Variants in DPP9 observed in about 807,000 individuals in gnomAD.
The protein encoded by DPP9 is dipeptidyl peptidase 9.
A neutral mutation model predicts 110.7 loss-of-function variants in DPP9; 50 were observed. That is an observed-to-expected ratio of 0.45 (90% CI 0.36 to 0.57). The LOEUF is 0.57. Ranked by LOEUF, DPP9 falls within the 20% of genes least tolerant of loss-of-function variation. The pLI is 0.00. For synonymous variants in DPP9, 561 were observed against 514.4 expected (o/e 1.09, Z -1.23); for missense variants, 1,022 against 1,217.9 (o/e 0.84, Z 2.39).
At chr19:4,719,085 T>G (rs1016488219) in intron 3 of DPP9, 23 of 152,032 alleles carry the variant, frequency 1.5e-4, no homozygotes, top group African/African-American at 5.6e-4. Context: ...ATCCCAGCAC[T>G]TTGGGAGGCC....
chr19:4,702,141 T>C lies in DPP9; in HGVS notation c.898A>G (p.Lys300Glu), dbSNP rs780119235. The change falls in exon 9 of 22, where the codon AAG becomes GAG. Residue 300 changes from lysine to glutamate, a missense_variant. Physicochemically the swap from Lys to Glu is moderately conservative, Grantham distance 56. Coordinates refer to ENST00000262960, the MANE Select transcript of DPP9 (RefSeq NM_139159.5). ...TASWEGSEGL[K>E]TLRILYEEVD... ...TCCTCATACAGGATTCGCAGCGTCT[T>C]GAGGCCCTCTGAACCTTGGGTGGGG... The C allele has an allele frequency of 1.1e-5, 17 of 1,612,728 alleles. No homozygotes were observed. The highest frequency in any genetic ancestry group is 2.2e-5 in the East Asian group (1 of 44,882).
intron 18 of DPP9, 96 bp from the exon 19 acceptor site, chr19:4,683,725 T>A (rs1377415219): frequency 1.2e-6 from 2 of 1,610,954 alleles, no homozygotes; most frequent in Non-Finnish European, 1.7e-6. Context: ...TCTCTCCCTC[T>A]TGGATGAAAA....
chr19:4,681,675 C>T (rs1286601071), intron 20 of DPP9, among the ~76,000 whole-genome samples: 10 of 152,056 alleles, frequency 6.6e-5, no homozygotes, highest in African/African-American at 2.4e-4. Context: ...AGCGATTCTC[C>T]TGCCTCAGCC....
At chr19:4,715,053 G>C (rs1293297475) in intron 3 of DPP9, among the ~76,000 whole-genome samples, 1 of 98,666 alleles carries the variant, frequency 1.0e-5, no homozygotes, top group African/African-American at 3.9e-5. Context: ...TTTGGAGACA[G>C]AGTCTCCAAA....
chr19:4,691,857 T>C (rs1472421331), intron 13 of DPP9, among the ~76,000 whole-genome samples: 1 of 151,504 alleles, frequency 6.6e-6, no homozygotes. Flanking sequence ...TTTGTATTTT[T>C]AGTAGAGACG....
Position 4,704,082 on chromosome 19 carries a change from G to C in DPP9, c.601-28C>G. ...GAGGACAGAGACGCCCAGCTCAGGG[G>C]GAGGGGCCCTCCACGCCACCCCCGC... On this transcript the variant is annotated intron_variant, in intron 6 of 21. Transcript: ENST00000262960. This position sits in a 1 kb window ranked among gnomAD's most constrained non-coding sequence, Gnocchi z 6.0. 1.2e-6 allele frequency: 2 copies of C among 1,613,666 alleles called. No individual in the cohort carries two copies. Among genetic ancestry groups the C allele is most frequent in the Non-Finnish European group, 1.7e-6 (2 of 1,179,656 alleles).
rs2091567680 is a variant in DPP9, at chr19:4,694,048, C to A, written c.1516+613G>T. ...CCTCACCCTCAAGCCTCTCGCCCGA[C>A]TGCATTTCCTTCCACCACGCACATC... On this transcript the variant is annotated intron_variant, in intron 13 of 21. Transcript: ENST00000262960. The surrounding 1 kb of genome is among the most constrained non-coding windows in gnomAD (Gnocchi z 4.0). Among the ~76,000 whole-genome samples, 1 of 151,234 alleles carries A rather than the reference C, an allele frequency of 6.6e-6. No individual in the cohort carries two copies. The highest frequency in any genetic ancestry group is 1.5e-5 in the Non-Finnish European group (1 of 67,404).
At chr19:4,702,431 CT>C (rs1345944983) in intron 8 of DPP9, among the ~76,000 whole-genome samples, 171 bp downstream of exon 8, 1 of 152,136 alleles carries the variant, frequency 6.6e-6, no homozygotes. Flanking sequence ...ACTGTGTCCC[CT>C]CTTAGGGCAA....
intron 14 of DPP9, 75 bp downstream of exon 14, chr19:4,690,803 G>T: frequency 8.8e-7 from 1 of 1,133,834 alleles, no homozygotes; most frequent in Non-Finnish European, 1.3e-6. Flanking sequence ...GTATGCGCGT[G>T]CGTGTGTGTG....
chr19:4,720,064 C>G (rs892099641), intron 2 of DPP9, 123 bp from the exon 3 acceptor site: 5 of 801,368 alleles, frequency 6.2e-6, no homozygotes, highest in Non-Finnish European at 8.3e-6. Flanking sequence ...CGGGGAGCAC[C>G]CTGAAGCCAA....
At position 4,704,702 on chromosome 19, in the gene DPP9, A is replaced by G. The variant is rs2092484981; in HGVS notation, c.427-398T>C. 6.6e-6 allele frequency among the ~76,000 whole-genome samples: 1 copy of G among 151,948 alleles called. No homozygotes were observed. Among genetic ancestry groups the G allele is most frequent in the Non-Finnish European group, 1.5e-5 (1 of 67,962 alleles). On this transcript the variant is annotated intron_variant, in intron 5 of 21. Transcript: ENST00000262960. The surrounding 1 kb of genome is among the most constrained non-coding windows in gnomAD (Gnocchi z 6.0). ...ATTCTTACAGACTCCCCACCCTCCT[A>G]CCCTATTCACAATCCCTTCCCATCA...
At chr19:4,692,827 C>T (rs1432209670) in intron 13 of DPP9, among the ~76,000 whole-genome samples, 1 of 152,142 alleles carries the variant, frequency 6.6e-6, no homozygotes, top group South Asian at 2.1e-4. Flanking sequence ...ACCAATGAGC[C>T]GAAGACAGCT....
In DPP9 at chr19:4,697,629, T is replaced by C. The variant is rs375413213; in HGVS notation, c.1097A>G (p.Glu366Gly). 1.5e-5 allele frequency: 25 copies of C among 1,613,764 alleles called. No homozygotes were observed. Among genetic ancestry groups the C allele is most frequent in the Non-Finnish European group, 2.0e-5 (24 of 1,179,862 alleles). Reference protein sequence around the residue: ...QGKIVSTQEKELVQPFSSLFP... With the variant: ...QGKIVSTQEKGLVQPFSSLFP... ...CAGCGAGCTGAAGGGCTGCACCAGC[T>C]CCTTCTCCTGGGTCGAGACGATCTG... The change falls in exon 11 of 22, where the codon GAG (glutamate) becomes GGG (glycine). Residue 366 changes from glutamate (E) to glycine (G), a missense_variant. By Grantham distance (98) the Glu-to-Gly change is moderately conservative (BLOSUM62 -2). Coordinates refer to ENST00000262960, the MANE Select transcript of DPP9 (RefSeq NM_139159.5).
At chr19:4,714,359 T>C (rs2092977334) in intron 3 of DPP9, 22 bp from the exon 4 acceptor site, 1 of 1,466,968 alleles carries the variant, frequency 6.8e-7, no homozygotes, top group Admixed American at 2.4e-5. Flanking sequence ...AAGCAAAGAC[T>C]ATGAGAAAGG....
intron 2 of DPP9, among the ~76,000 whole-genome samples, chr19:4,720,731 C>G (rs2093283398): frequency 6.6e-6 from 1 of 152,326 alleles, no homozygotes; most frequent in Non-Finnish European, 1.5e-5. Context: ...TAGCACCCCA[C>G]AGTGCCCAGG....
rs1421679625 is a variant in DPP9 at position 4,684,535 on chromosome 19, G to A, written c.2178+128C>T. On this transcript the variant is annotated intron_variant, in intron 18 of 21. Coordinates refer to ENST00000262960, the MANE Select transcript of DPP9 (RefSeq NM_139159.5). This position sits in a 1 kb window ranked among gnomAD's most constrained non-coding sequence, Gnocchi z 4.8. ...TAAAAGGGCGCCTCATTGAGCCTGC[G>A]TCACCCCAGCCAGAAGTGCCCTTCT... is the stretch of plus-strand genomic sequence containing the variant. 6.2e-5 allele frequency: 69 copies of A among 1,116,774 alleles called. No individual in the cohort carries two copies. The highest frequency in any genetic ancestry group is 1.3e-4 in the Admixed American group (5 of 38,726). 69.2% of individuals were successfully genotyped at this position (1,116,774 alleles called of 1,614,324 possible).
chr19:4,719,477 A>C (rs1490876596), intron 3 of DPP9: 1 of 267,724 alleles, frequency 3.7e-6, no homozygotes, highest in African/African-American at 2.1e-5. Flanking sequence ...CACTGAGATC[A>C]GCAGTTCTTA....
At chr19:4,683,097 C>T (rs1461375532) in intron 19 of DPP9, 1 of 1,485,430 alleles carries the variant, frequency 6.7e-7, no homozygotes, top group East Asian at 2.7e-5. Context: ...CACTGCCCGT[C>T]TGCCTCCTCC....
intron 4 of DPP9, among the ~76,000 whole-genome samples, chr19:4,706,539 G>A (rs2092594888): frequency 6.6e-6 from 1 of 151,960 alleles, no homozygotes; most frequent in African/African-American, 2.4e-5. Context: ...ATGAGGGCCA[G>A]GCGACATGGC....
Sources: gnomAD v4.1 joint callset for allele counts (sites outside exome capture counted in the v4.1 genomes callset) on GRCh38, gnomAD v4.1.1 for gene constraint, Gnocchi (gnomAD v3.1) non-coding constraint, MANE v1.5 for transcripts, NCBI Gene and HGNC (gene_info 2026-07-23, HGNC 2026-07-21) for gene names.